The following ANK1 variants were observed in gnomAD, a reference collection of about 807,000 sequenced individuals.
ANK1 encodes ankyrin-1.
Under a neutral mutation model 210.4 loss-of-function variants are expected in ANK1, and 51 were observed. The observed-to-expected ratio is 0.24, with a 90% CI of 0.19 to 0.31. ANK1 has a LOEUF of 0.31. ANK1 is among the 10% of genes least tolerant of loss of function. The pLI is 1.00. For missense variants in ANK1, 2,051 were observed against 2,504.4 expected (o/e 0.82, Z 3.86); for synonymous variants, 967 against 1,025.9 (o/e 0.94, Z 1.10).
chr8:41,694,477 TG>T lies in ANK1; in HGVS notation c.3327+114del. 1.9e-6 allele frequency: 2 copies of T among 1,063,114 alleles called. No homozygotes were observed. Among genetic ancestry groups the T allele is most frequent in the Non-Finnish European group, 2.8e-6 (2 of 718,546 alleles). The allele number at this position is 1,063,114 out of a possible 1,614,324, so 65.9% of individuals were successfully genotyped here. A position where few individuals can be genotyped will look rare whatever the true frequency, so the allele number is the denominator to read the frequency against. On this transcript the variant is annotated intron_variant, in intron 28 of 42. Coordinates refer to ENST00000289734, the MANE Select transcript of ANK1 (RefSeq NM_000037.4). This position sits in a 1 kb window ranked among gnomAD's most constrained non-coding sequence, Gnocchi z 5.7. ...GAGCTTTAAACTCAGATCTCCACTG[TG>T]GCATTTCAAAGCACCAGACAAAAGT...
At chr8:41,705,400 G>T (rs528026883) in intron 18 of ANK1, among the ~76,000 whole-genome samples, 1 of 152,334 alleles carries the variant, frequency 6.6e-6, no homozygotes, top group South Asian at 2.1e-4. Flanking sequence ...TAAGCAGATT[G>T]CTGTGGAAGC....
At position 41,717,702 on chromosome 8, in the gene ANK1, A is replaced by G. The variant is rs1469964319; in HGVS notation, c.1207T>C (p.Ser403Pro). 1 of 1,551,202 alleles carries G rather than the reference A, an allele frequency of 6.4e-7. No individual in the cohort carries two copies. The highest frequency in any genetic ancestry group is 8.7e-7 in the Non-Finnish European group (1 of 1,146,600). The change falls in exon 12 of 43, where the codon TCT becomes CCT. Residue 403 changes from serine (S) to proline (P), a missense_variant and splice_region_variant. Physicochemically the swap from Ser to Pro is moderately conservative, Grantham distance 74. This residue lies in a region of ANK1 where 1,413 missense variants were observed against 1,707.4 expected (regional missense o/e 0.83). Coordinates refer to ENST00000289734, the MANE Select transcript of ANK1 (RefSeq NM_000037.4). ...GCCACGTGGAGAGGTGTCAGGCCAG[A>G]CTGAAACAGACAAAGGCAGAGTCCG... ...TGASIDAVTE[S>P]GLTPLHVASF...
intron 2 of ANK1, among the ~76,000 whole-genome samples, chr8:41,751,593 C>T (rs1361484144): frequency 1.3e-5 from 2 of 152,112 alleles, no homozygotes; most frequent in East Asian, 1.9e-4. Context: ...TAAGGAGCCC[C>T]GGCAAAATGT....
intron 1 of ANK1, among the ~76,000 whole-genome samples, chr8:41,872,757 G>A (rs11992985): frequency 0.02 from 2,994 of 152,288 alleles, 100 homozygotes; most frequent in African/African-American, 0.066. Context: ...ACCTTGGAAA[G>A]ACAGAGGCCT....
chr8:41,872,695 C>T (rs2150826143), intron 1 of ANK1, among the ~76,000 whole-genome samples: 1 of 152,292 alleles, frequency 6.6e-6, no homozygotes, highest in African/African-American at 2.4e-5. Flanking sequence ...TGGATTACAC[C>T]TTAAGGTTTA....
chr8:41,727,800 C>T (rs1309841842), intron 4 of ANK1, 108 bp downstream of exon 4: 4 of 1,021,300 alleles, frequency 3.9e-6, no homozygotes, highest in East Asian at 2.4e-5. Flanking sequence ...CCCTGCCCCA[C>T]AGTAGTGTGT....
chr8:41,878,711 C>T (rs1213793418), intron 1 of ANK1, among the ~76,000 whole-genome samples: 3 of 152,154 alleles, frequency 2.0e-5, no homozygotes, highest in Non-Finnish European at 4.4e-5. Context: ...AAGGGCAGGA[C>T]CTCATGCAAC....
At chr8:41,656,277 G>C (rs72638947) in intron 42 of ANK1, among the ~76,000 whole-genome samples, 7,199 of 152,358 alleles carry the variant, frequency 0.047, 248 homozygotes, top group African/African-American at 0.095. Flanking sequence ...TGGGAACCCA[G>C]GGATGGAGCG....
At chr8:41,878,393 G>C (rs1011929513) in intron 1 of ANK1, among the ~76,000 whole-genome samples, 1 of 152,206 alleles carries the variant, frequency 6.6e-6, no homozygotes, top group African/African-American at 2.4e-5. Context: ...GAAGGAACAG[G>C]AGTAGCCGGC....
At chr8:41,689,142 G>A (rs1237686985) in intron 33 of ANK1, among the ~76,000 whole-genome samples, 1 of 152,066 alleles carries the variant, frequency 6.6e-6, no homozygotes, top group Non-Finnish European at 1.5e-5. Context: ...TTAAGAGCCA[G>A]GGTCTCACTC....
At position 41,690,397 on chromosome 8, in the gene ANK1, C is replaced by A. The variant is rs751499290; in HGVS notation, c.3985-51G>T. The A allele has an allele frequency of 2.5e-6, 4 of 1,614,102 alleles. No homozygotes were observed. In the East Asian group the frequency reaches 6.7e-5, roughly 27 times the overall value. On this transcript the variant is annotated intron_variant, in intron 32 of 42. Transcript: ENST00000289734. The stretch of plus-strand genomic sequence containing the variant: ...TTCAGGGGCCCTTTTCTAGGCCACC[C>A]GGCTGTCTGGTTTAGGGAATTCTGC...
intron 33 of ANK1, among the ~76,000 whole-genome samples, chr8:41,689,263 C>T (rs1339206417): frequency 6.6e-6 from 1 of 151,908 alleles, no homozygotes; most frequent in African/African-American, 2.4e-5. Flanking sequence ...GCCAGGACTA[C>T]AGGTGCATGC....
At chr8:41,685,337 T>G (rs775172322) in intron 36 of ANK1, among the ~76,000 whole-genome samples, 7 of 152,266 alleles carry the variant, frequency 4.6e-5, no homozygotes, top group Non-Finnish European at 1.0e-4. Context: ...TCTGTCCTTT[T>G]GAAATTCTTG....
chr8:41,870,788 C>T, intron 1 of ANK1, among the ~76,000 whole-genome samples: 1 of 152,198 alleles, frequency 6.6e-6, no homozygotes, highest in East Asian at 1.9e-4. Flanking sequence ...TTGTTGGAGG[C>T]ACTCTGGCCA....
chr8:41,868,929 G>A (rs927490279), intron 1 of ANK1, among the ~76,000 whole-genome samples: 4 of 152,172 alleles, frequency 2.6e-5, no homozygotes, highest in East Asian at 1.9e-4. Context: ...GAAGGAATGC[G>A]AACACCCAGG....
chr8:41,872,139 C>T (rs1311979237), intron 1 of ANK1, among the ~76,000 whole-genome samples: 1 of 152,216 alleles, frequency 6.6e-6, no homozygotes, highest in Non-Finnish European at 1.5e-5. Flanking sequence ...TCACACAAAA[C>T]GCTTCCTCCA....
At chr8:41,689,653 G>A (rs1818723609) in intron 33 of ANK1, among the ~76,000 whole-genome samples, 1 of 152,108 alleles carries the variant, frequency 6.6e-6, no homozygotes, top group Admixed American at 6.5e-5. Context: ...GGTGGTGACT[G>A]GGATACTCTT....
chr8:41,693,614 T>A (rs1191852667), intron 29 of ANK1, among the ~76,000 whole-genome samples: 1 of 151,862 alleles, frequency 6.6e-6, no homozygotes, highest in Non-Finnish European at 1.5e-5. Flanking sequence ...AGTTTTGTAT[T>A]TTTAGTAGAG....
chr8:41,767,666 C>A (rs151241950), intron 1 of ANK1, among the ~76,000 whole-genome samples: 2,301 of 152,136 alleles, frequency 0.015, 15 homozygotes, highest in Admixed American at 0.024. Context: ...GGGGTGCGCG[C>A]GGGGGCGCGG....
Sources: gnomAD v4.1 joint callset for allele counts (sites outside exome capture counted in the v4.1 genomes callset) on GRCh38, gnomAD v4.1.1 for gene constraint, gnomAD v4.1.1 regional missense constraint, Gnocchi (gnomAD v3.1) non-coding constraint, MANE v1.5 for transcripts, NCBI Gene and HGNC (gene_info 2026-07-23, HGNC 2026-07-21) for gene names.